RSRC1: variants seen among roughly 807,000 people sequenced by gnomAD.
The protein encoded by RSRC1 is arginine and serine rich coiled-coil 1.
RSRC1 carries 39 observed loss-of-function variants against 49.1 expected under a neutral mutation model. That is an observed-to-expected ratio of 0.79 (90% CI 0.61 to 1.04). The LOEUF (loss-of-function observed/expected upper bound fraction) is 1.04. RSRC1 is among the 50% of genes least tolerant of loss of function. The pLI, the probability that RSRC1 is intolerant of heterozygous loss-of-function variation, is 0.00. For missense variants in RSRC1, 388 were observed against 402.4 expected (o/e 0.96, Z 0.31); for synonymous variants, 143 against 130.8 (o/e 1.09, Z -0.63).
intron 4 of RSRC1, among the ~76,000 whole-genome samples, chr3:158,296,343 T>TACACAC (rs1283954686): frequency 6.6e-6 from 1 of 151,584 alleles, no homozygotes; most frequent in Non-Finnish European, 1.5e-5. Flanking sequence ...CATACACACA[T>TACACAC]ACACACACAC....
chr3:158,416,387 G>T (rs781234819), intron 6 of RSRC1, among the ~76,000 whole-genome samples: 22 of 151,980 alleles, frequency 1.4e-4, no homozygotes, highest in Non-Finnish European at 2.8e-4. Context: ...CCAGTTTCTA[G>T]GTCCAGGCCT....
chr3:158,208,133 G>A (rs1384543483), intron 4 of RSRC1, among the ~76,000 whole-genome samples: 1 of 152,064 alleles, frequency 6.6e-6, no homozygotes, highest in East Asian at 1.9e-4. Context: ...ATTTTATCAA[G>A]AATGTTTAAT....
chr3:158,291,014 T>C (rs1334776262), intron 4 of RSRC1, among the ~76,000 whole-genome samples: 5 of 152,210 alleles, frequency 3.3e-5, no homozygotes, highest in South Asian at 2.1e-4. Flanking sequence ...GACAACATAG[T>C]GAGGCCCTAC....
chr3:158,284,527 T>C (rs1726390734), intron 4 of RSRC1, among the ~76,000 whole-genome samples: 1 of 148,934 alleles, frequency 6.7e-6, no homozygotes, highest in African/African-American at 2.5e-5. Context: ...AAAGTGTTCC[T>C]ATTTCTCCAC....
chr3:158,322,784 T>G (rs1234558758), intron 5 of RSRC1, among the ~76,000 whole-genome samples: 1 of 152,042 alleles, frequency 6.6e-6, no homozygotes. Context: ...TAAGGCTCTG[T>G]TCATTTTCCT....
chr3:158,344,714 T>C (rs1730448438), intron 5 of RSRC1, among the ~76,000 whole-genome samples: 1 of 152,202 alleles, frequency 6.6e-6, no homozygotes, highest in Non-Finnish European at 1.5e-5. Context: ...TGGATAAATA[T>C]GTCTCTTTAT....
At chr3:158,503,901 A>G (rs992757791) in intron 7 of RSRC1, among the ~76,000 whole-genome samples, 1 of 152,070 alleles carries the variant, frequency 6.6e-6, no homozygotes, top group African/African-American at 2.4e-5. Flanking sequence ...GAGGCTTCCC[A>G]TCCCATTCAA....
intron 4 of RSRC1, among the ~76,000 whole-genome samples, chr3:158,257,244 A>G (rs566509456): frequency 7.2e-5 from 11 of 152,174 alleles, no homozygotes; most frequent in South Asian, 2.1e-4. Flanking sequence ...ACTGCTTTCA[A>G]TGTGTCCCAG....
intron 7 of RSRC1, among the ~76,000 whole-genome samples, chr3:158,499,295 T>C (rs1578549021): frequency 6.6e-6 from 1 of 152,054 alleles, no homozygotes; most frequent in East Asian, 1.9e-4. Context: ...GAGAATGGTG[T>C]GAACCCGGGA....
chr3:158,178,848 A>G (rs547633389), intron 3 of RSRC1, among the ~76,000 whole-genome samples: 132 of 152,300 alleles, frequency 8.7e-4, no homozygotes, highest in African/African-American at 3.0e-3. Context: ...TTTCTATAAA[A>G]TTAGGTTTTG....
intron 4 of RSRC1, among the ~76,000 whole-genome samples, chr3:158,290,849 T>C (rs1385171261): frequency 1.3e-5 from 2 of 152,158 alleles, no homozygotes; most frequent in African/African-American, 4.8e-5. Context: ...AGCATACTAG[T>C]CTTTTAAAAG....
intron 6 of RSRC1, among the ~76,000 whole-genome samples, chr3:158,424,770 C>G (rs373709265): frequency 2.2e-4 from 34 of 152,222 alleles, no homozygotes; most frequent in African/African-American, 7.0e-4. Flanking sequence ...TGTTATTGGT[C>G]TATTCAGAGA....
At chr3:158,465,128 A>G (rs1431654262) in intron 7 of RSRC1, among the ~76,000 whole-genome samples, 3 of 151,974 alleles carry the variant, frequency 2.0e-5, no homozygotes, top group African/African-American at 7.3e-5. Flanking sequence ...TAGGTGAGGT[A>G]CTCCATTTAG....
intron 4 of RSRC1, among the ~76,000 whole-genome samples, chr3:158,270,162 T>A (rs1173570578): frequency 1.3e-5 from 2 of 152,182 alleles, no homozygotes; most frequent in Non-Finnish European, 2.9e-5. Flanking sequence ...CAAACACTCT[T>A]CATTGCTGTT....
chr3:158,147,296 A>G (rs1429135715), intron 3 of RSRC1, among the ~76,000 whole-genome samples: 1 of 151,740 alleles, frequency 6.6e-6, no homozygotes, highest in Non-Finnish European at 1.5e-5. Context: ...GTTTGAATGC[A>G]GTGGTGCAGT....
intron 6 of RSRC1, among the ~76,000 whole-genome samples, chr3:158,364,400 A>G (rs946337700): frequency 1.3e-5 from 2 of 152,138 alleles, no homozygotes; most frequent in African/African-American, 4.8e-5. Context: ...TTTTTATTTC[A>G]TATAAATAGT....
At chr3:158,517,213 T>C (rs1740612971) in intron 7 of RSRC1, among the ~76,000 whole-genome samples, 1 of 152,224 alleles carries the variant, frequency 6.6e-6, no homozygotes, top group Admixed American at 6.5e-5. Context: ...AGGGCTGCTA[T>C]ATAGAAATGA....
At chr3:158,184,107 A>C (rs1223938318) in intron 3 of RSRC1, among the ~76,000 whole-genome samples, 1 of 152,106 alleles carries the variant, frequency 6.6e-6, no homozygotes, top group African/African-American at 2.4e-5. Context: ...AACATGCAGG[A>C]TAAAGATCCA....
intron 4 of RSRC1, among the ~76,000 whole-genome samples, chr3:158,249,935 C>T (rs1387840520): frequency 6.6e-6 from 1 of 151,952 alleles, no homozygotes; most frequent in Non-Finnish European, 1.5e-5. Context: ...ATTTCTGTAC[C>T]CACTAACCAT....
Sources: allele counts gnomAD v4.1 joint callset (sites outside exome capture counted in the v4.1 genomes callset), GRCh38; gene constraint gnomAD v4.1.1; transcripts MANE v1.5; gene names NCBI Gene and HGNC (gene_info 2026-07-23, HGNC 2026-07-21).